Variants in SEZ6L observed in about 807,000 individuals in gnomAD.
The protein encoded by SEZ6L is seizure related 6 homolog like.
SEZ6L carries 37 observed loss-of-function variants against 106.2 expected under a neutral mutation model. The ratio of observed to expected loss-of-function variants is 0.35; its 90% CI spans 0.27 to 0.46. The LOEUF is 0.46. SEZ6L is among the 20% of genes least tolerant of loss of function. SEZ6L has a pLI of 1.00. For synonymous variants in SEZ6L, 541 were observed against 570.4 expected, an observed-to-expected ratio of 0.95 and a Z score of 0.73; for missense variants, 1,172 against 1,332.8, an observed-to-expected ratio of 0.88 and a Z score of 1.88.
At chr22:26,230,043 A>G (rs2078751334) in intron 1 of SEZ6L, among the ~76,000 whole-genome samples, 1 of 152,252 alleles carries the variant, frequency 6.6e-6, no homozygotes, top group South Asian at 2.1e-4. Flanking sequence ...AGCCATGCAC[A>G]GTGCCCGCAG....
At chr22:26,174,272 A>T (rs1339812906) in intron 1 of SEZ6L, among the ~76,000 whole-genome samples, 3 of 152,186 alleles carry the variant, frequency 2.0e-5, no homozygotes, top group Non-Finnish European at 4.4e-5. Flanking sequence ...GACAGGTACC[A>T]GCAGCCAGAG....
chr22:26,201,204 T>A (rs1014699143), intron 1 of SEZ6L, among the ~76,000 whole-genome samples: 1 of 151,850 alleles, frequency 6.6e-6, no homozygotes, highest in Non-Finnish European at 1.5e-5. Flanking sequence ...AGACACTCAA[T>A]AAAAGTTAAC....
intron 5 of SEZ6L, among the ~76,000 whole-genome samples, chr22:26,303,333 AC>A (rs1408478802): frequency 6.6e-6 from 1 of 152,250 alleles, no homozygotes; most frequent in Non-Finnish European, 1.5e-5. Flanking sequence ...ATTCAGTCAT[AC>A]TGTCATTCAA....
At chr22:26,346,432 T>C (rs960651980) in intron 10 of SEZ6L, among the ~76,000 whole-genome samples, 6 of 152,254 alleles carry the variant, frequency 3.9e-5, no homozygotes, top group South Asian at 4.1e-4. Context: ...TTACAGATAT[T>C]CTTAGGATGA....
chr22:26,314,095 C>CACACACAGAG (rs1491457169), intron 9 of SEZ6L, among the ~76,000 whole-genome samples, 193 bp downstream of exon 9: 8 of 136,322 alleles, frequency 5.9e-5, no homozygotes, highest in South Asian at 2.7e-4. Flanking sequence ...CACACACACA[C>CACACACAGAG]AGAGAGAGAG....
At chr22:26,273,207 T>A (rs1195701026) in intron 1 of SEZ6L, among the ~76,000 whole-genome samples, 1 of 152,240 alleles carries the variant, frequency 6.6e-6, no homozygotes, top group Non-Finnish European at 1.5e-5. Context: ...GCAGAGTTGC[T>A]GCTGAGTGAA....
At chr22:26,319,074 T>C (rs915133137) in intron 9 of SEZ6L, among the ~76,000 whole-genome samples, 2 of 152,132 alleles carry the variant, frequency 1.3e-5, no homozygotes, top group African/African-American at 2.4e-5. Context: ...CATTAGCTCT[T>C]ACAAGCCCGT....
chr22:26,276,931 G>A (rs1403923408), intron 1 of SEZ6L, among the ~76,000 whole-genome samples: 4 of 152,174 alleles, frequency 2.6e-5, no homozygotes, highest in African/African-American at 9.7e-5. Context: ...TCATTCACGA[G>A]GAAGATGGAT....
At position 26,373,500 on chromosome 22, in the gene SEZ6L, A is replaced by AG; in HGVS notation, c.2827+17_2827+18insG. On this transcript the variant is annotated intron_variant, in intron 14 of 16. Transcript: ENST00000248933. ...CTTTAGAAGGTGAGTTCCAGAACGA[A>AG]AAAAAAAAAAGTTCAATAAATCAAA... 6.6e-7 allele frequency: 1 copy of AG among 1,526,156 alleles called. No homozygotes were observed. The highest frequency in any genetic ancestry group is 1.9e-5 in the Admixed American group (1 of 52,340). 94.5% of individuals were successfully genotyped at this position (1,526,156 alleles called of 1,614,324 possible). A position where few individuals can be genotyped will look rare whatever the true frequency, so the allele number is the denominator to read the frequency against.
chr22:26,317,207 C>T (rs1436993664), intron 9 of SEZ6L, among the ~76,000 whole-genome samples: 1 of 152,132 alleles, frequency 6.6e-6, no homozygotes, highest in Non-Finnish European at 1.5e-5. Context: ...AGGCTGCATC[C>T]TTTAGGAAGC....
chr22:26,211,892 G>T (rs2078171263), intron 1 of SEZ6L, among the ~76,000 whole-genome samples: 1 of 149,642 alleles, frequency 6.7e-6, no homozygotes, highest in East Asian at 2.0e-4. Flanking sequence ...AAGCAGAATG[G>T]TAAGCAAAGG....
intron 12 of SEZ6L, among the ~76,000 whole-genome samples, chr22:26,361,114 C>T (rs2083608067): frequency 6.6e-6 from 1 of 152,070 alleles, no homozygotes; most frequent in South Asian, 2.1e-4. Flanking sequence ...CATGTGAAAC[C>T]TCTGATTATA....
At chr22:26,291,921 C>G (rs1201521270) in intron 1 of SEZ6L, among the ~76,000 whole-genome samples, 3 of 151,460 alleles carry the variant, frequency 2.0e-5, no homozygotes, top group Non-Finnish European at 1.5e-5. Flanking sequence ...CTTTTTGTTT[C>G]TATACTCCTA....
At chr22:26,368,926 A>G (rs1031356985) in intron 13 of SEZ6L, among the ~76,000 whole-genome samples, 2 of 152,102 alleles carry the variant, frequency 1.3e-5, no homozygotes, top group Non-Finnish European at 2.9e-5. Context: ...GCATCTCATG[A>G]CTGTAAATTT....
rs1289069104 is a variant in SEZ6L, at chr22:26,294,155, T to C, written c.836-137T>C. On this transcript the variant is annotated intron_variant, in intron 2 of 16. Transcript: ENST00000248933. ...TTTATTATCATGTCAATTCTGGAGCTGAGGAATTAACAGCAGAAGGACAGA... is the reference window on the plus strand; with the variant it reads ...TTTATTATCATGTCAATTCTGGAGCCGAGGAATTAACAGCAGAAGGACAGA... 5 of 733,902 alleles carry C rather than the reference T, an allele frequency of 6.8e-6. No homozygotes were observed. In the African/African-American group the frequency reaches 7.0e-5, roughly 10 times the overall value. The allele number at this position is 733,902 out of a possible 1,614,324, so 45.5% of individuals were successfully genotyped here.
intron 12 of SEZ6L, chr22:26,364,787 G>A (rs1331219831): frequency 6.5e-6 from 1 of 153,432 alleles, no homozygotes; most frequent in Non-Finnish European, 1.5e-5. Flanking sequence ...GAAGACTGAC[G>A]ACTCAATTCA....
chr22:26,212,446 A>G (rs995070811), intron 1 of SEZ6L, among the ~76,000 whole-genome samples: 2 of 152,194 alleles, frequency 1.3e-5, no homozygotes, highest in Non-Finnish European at 2.9e-5. Context: ...TTTCTGAGGC[A>G]AGGTCTCACT....
intron 3 of SEZ6L, among the ~76,000 whole-genome samples, chr22:26,295,277 G>T (rs539121386): frequency 6.6e-6 from 1 of 152,242 alleles, no homozygotes; most frequent in East Asian, 1.9e-4. Context: ...GAAATCATTT[G>T]GTCAGAGCCC....
At chr22:26,187,465 T>C (rs935966723) in intron 1 of SEZ6L, among the ~76,000 whole-genome samples, 1 of 152,212 alleles carries the variant, frequency 6.6e-6, no homozygotes, top group Non-Finnish European at 1.5e-5. Flanking sequence ...TTCTCTTCAA[T>C]TGCAATGGGA....
Sources: allele counts gnomAD v4.1 joint callset (sites outside exome capture counted in the v4.1 genomes callset), GRCh38; gene constraint gnomAD v4.1.1; transcripts MANE v1.5; gene names NCBI Gene and HGNC (gene_info 2026-07-23, HGNC 2026-07-21).